Variants in KRTAP4-2 observed in about 807,000 individuals in gnomAD.
KRTAP4-2 encodes keratin-associated protein 4-2.
For missense variants in KRTAP4-2, 178 were observed against 177.3 expected (o/e 1.00, Z -0.02); for synonymous variants, 56 against 63.5 (o/e 0.88, Z 0.56).
In KRTAP4-2 at chr17:41,177,860, C is replaced by A. The variant is rs754307555; in HGVS notation, c.305G>T (p.Arg102Leu). The change falls in exon 1 of 1, where the codon CGC becomes CTC. Residue 102 changes from arginine to leucine, a missense_variant. By Grantham distance (102) the Arg-to-Leu change is moderately radical (BLOSUM62 -2). Transcript: ENST00000377726. ...QSVYCQPTCC[R>L]PSCGQTTCCR... ...GCAGGTGGTCTGGCCACAGCTGGGG[C>A]GGCAGCAGGTGGGCTGGCAGTACAC... 1.3e-6 allele frequency: 2 copies of A among 1,580,428 alleles called. No homozygotes were observed. The highest frequency in any genetic ancestry group is 1.7e-6 in the Non-Finnish European group (2 of 1,160,132).
At position 41,177,526 on chromosome 17, in the gene KRTAP4-2, A is replaced by T; in HGVS notation, c.*228T>A. The T allele has an allele frequency of 1.5e-6, 1 of 660,288 alleles. No individual in the cohort carries two copies. The highest frequency in any genetic ancestry group is 4.2e-4 in the Middle Eastern group (1 of 2,396). The allele number at this position is 660,288 out of a possible 1,614,324, so 40.9% of individuals were successfully genotyped here. A position where few individuals can be genotyped will look rare whatever the true frequency, so the allele number is the denominator to read the frequency against. ...TGATAAATTATGGTAGAGAGCAAAT[A>T]TTTCAATTCAGGGAACATGGGGTTG... On this transcript the variant is annotated 3_prime_UTR_variant, in exon 1 of 1. Transcript: ENST00000377726.
chr17:41,177,737 G>A lies in KRTAP4-2; in HGVS notation c.*17C>T, dbSNP rs776521889. 5 of 1,609,920 alleles carry A rather than the reference G, an allele frequency of 3.1e-6. No homozygotes were observed. In the South Asian group the frequency reaches 5.5e-5, roughly 18 times the overall value. On this transcript the variant is annotated 3_prime_UTR_variant, in exon 1 of 1. Transcript: ENST00000377726. ...AGAATGCTGGTTAATAAAGGCAGGT[G>A]AGTATAGGTGAGGGCATCAGCAGCA...
In KRTAP4-2 at chr17:41,177,978, G is replaced by T; in HGVS notation, c.187C>A (p.Pro63Thr). The change falls in exon 1 of 1, where the codon CCC becomes ACC. Residue 63 changes from proline to threonine, a missense_variant. Physicochemically the swap from Pro to Thr is conservative, Grantham distance 38. Transcript: ENST00000377726. ...CAGCAAGTGGTCTGGCAGCAGCTGG[G>T]GCTGCAGCAGGTGGGCTGGCAGCAC... Reference protein sequence around the residue: ...SVCCQPTCCSPSCCQTTCCRT... With the variant: ...SVCCQPTCCSTSCCQTTCCRT... The T allele has an allele frequency of 1.2e-6, 2 of 1,605,038 alleles. No homozygotes were observed. The highest frequency in any genetic ancestry group is 2.2e-5 in the South Asian group (2 of 90,860).
chr17:41,178,086 G>A lies in KRTAP4-2; in HGVS notation c.79C>T (p.Gln27Ter), dbSNP rs413682. 4 of 1,613,924 alleles carry A rather than the reference G, an allele frequency of 2.5e-6. No individual in the cohort carries two copies. In the African/African-American group the frequency reaches 5.3e-5, roughly 22 times the overall value. The change falls in exon 1 of 1, where the codon CAG (glutamine) becomes TAG (stop). Residue 27 changes from glutamine to a stop codon, truncating the protein, a stop_gained. Transcript: ENST00000377726. LOFTEE classifies it low-confidence loss of function (END_TRUNC). ...CAGGTGGTCCTGCAGCAGGTGGTCT[G>A]GCAGCAGCTGGGACGGCAGCAGTTC... ...LENCCRPSCC[Q>*]TTCCRTTCCR...
chr17:41,177,688 T>G lies in KRTAP4-2; in HGVS notation c.*66A>C. 1 of 1,568,098 alleles carries G rather than the reference T, an allele frequency of 6.4e-7. No individual in the cohort carries two copies. The highest frequency in any genetic ancestry group is 8.7e-7 in the Non-Finnish European group (1 of 1,155,294). On this transcript the variant is annotated 3_prime_UTR_variant, in exon 1 of 1. Transcript: ENST00000377726. ...GGTTGTCCAATTGGCCTTGCATGATTCAGTTCACAGGTGGATCATATCAAG... is the reference window on the plus strand; with the variant it reads ...GGTTGTCCAATTGGCCTTGCATGATGCAGTTCACAGGTGGATCATATCAAG...
chr17:41,177,762 A>C lies in KRTAP4-2; in HGVS notation c.403T>G (p.Cys135Gly), dbSNP rs762052264. ...CCRPTCSSGSCC is the reference protein window; with the variant it reads ...CCRPTCSSGSGC ...GAGTATAGGTGAGGGCATCAGCAGCAAGAGCCACTAGAGCAGGTTGGGCGG... is the reference window on the plus strand; with the variant it reads ...GAGTATAGGTGAGGGCATCAGCAGCCAGAGCCACTAGAGCAGGTTGGGCGG... Residue 135 changes from cysteine (C) to glycine (G), a missense_variant, in exon 1 of 1, where the codon TGC becomes GGC. Physicochemically the swap from Cys to Gly is radical, Grantham distance 159. Transcript: ENST00000377726. 1.2e-6 allele frequency: 2 copies of C among 1,613,470 alleles called. No individual in the cohort carries two copies. Among genetic ancestry groups the C allele is most frequent in the African/African-American group, 2.7e-5 (2 of 74,948 alleles).
rs771299464 is a variant in KRTAP4-2, at chr17:41,177,698, G to C, written c.*56C>G. 5.7e-6 allele frequency: 9 copies of C among 1,582,240 alleles called. No individual in the cohort carries two copies. The highest frequency in any genetic ancestry group is 7.7e-6 in the Non-Finnish European group (9 of 1,162,956). On this transcript the variant is annotated 3_prime_UTR_variant, in exon 1 of 1. Transcript: ENST00000377726. ...TTGGCCTTGCATGATTCAGTTCACAGGTGGATCATATCAAGAATGCTGGTT... is the reference window on the plus strand; with the variant it reads ...TTGGCCTTGCATGATTCAGTTCACACGTGGATCATATCAAGAATGCTGGTT...
Position 41,177,591 on chromosome 17 carries a change from A to T in KRTAP4-2, c.*163T>A. On this transcript the variant is annotated 3_prime_UTR_variant, in exon 1 of 1. Transcript: ENST00000377726. ...AAATTCAAACTTGTATTCATTTGGT[A>T]GAGGGTAGCAACATAGTGTTTGGTG... 2.8e-6 allele frequency: 3 copies of T among 1,088,642 alleles called. No homozygotes were observed. Among genetic ancestry groups the T allele is most frequent in the Non-Finnish European group, 4.0e-6 (3 of 754,996 alleles). The allele number at this position is 1,088,642 out of a possible 1,614,324, so 67.4% of individuals were successfully genotyped here.
chr17:41,177,683 A>G lies in KRTAP4-2; in HGVS notation c.*71T>C. On this transcript the variant is annotated 3_prime_UTR_variant, in exon 1 of 1. Transcript: ENST00000377726. Reference sequence around the variant, plus strand: ...ACTGAGGTTGTCCAATTGGCCTTGCATGATTCAGTTCACAGGTGGATCATA... The same window carrying G: ...ACTGAGGTTGTCCAATTGGCCTTGCGTGATTCAGTTCACAGGTGGATCATA... The G allele has an allele frequency of 6.4e-7, 1 of 1,564,890 alleles. No homozygotes were observed. Among genetic ancestry groups the G allele is most frequent in the Non-Finnish European group, 8.7e-7 (1 of 1,153,554 alleles).
chr17:41,177,773 G>A lies in KRTAP4-2; in HGVS notation c.392C>T (p.Ser131Phe), dbSNP rs750863330. The A allele has an allele frequency of 1.9e-6, 3 of 1,613,840 alleles. No individual in the cohort carries two copies. The highest frequency in any genetic ancestry group is 2.2e-5 in the South Asian group (2 of 91,030). Residue 131 changes from serine (S) to phenylalanine (F), a missense_variant, in exon 1 of 1, where the codon TCT becomes TTT. Transcript: ENST00000377726. ...AGGGCATCAGCAGCAAGAGCCACTA[G>A]AGCAGGTTGGGCGGCAGCAGGTGGA... is the stretch of plus-strand genomic sequence containing the variant. ...CVSTCCRPTC[S>F]SGSCC
rs2015163318 is a variant in KRTAP4-2 at position 41,177,656 on chromosome 17, G to A, written c.*98C>T. 6.5e-7 allele frequency: 1 copy of A among 1,542,924 alleles called. No homozygotes were observed. Among genetic ancestry groups the A allele is most frequent in the Non-Finnish European group, 8.8e-7 (1 of 1,139,562 alleles). On this transcript the variant is annotated 3_prime_UTR_variant, in exon 1 of 1. Transcript: ENST00000377726. ...CCAAACTCAATCCAAGAATTGGTTG[G>A]AACTGAGGTTGTCCAATTGGCCTTG...
Position 41,177,595 on chromosome 17 carries a change from G to T in KRTAP4-2, c.*159C>A. ...TCAAACTTGTATTCATTTGGTAGAG[G>T]GTAGCAACATAGTGTTTGGTGAGCA... On this transcript the variant is annotated 3_prime_UTR_variant, in exon 1 of 1. Transcript: ENST00000377726. 8.8e-7 allele frequency: 1 copy of T among 1,132,662 alleles called. No individual in the cohort carries two copies. Among genetic ancestry groups the T allele is most frequent in the African/African-American group, 1.6e-5 (1 of 64,314 alleles). 70.2% of individuals were successfully genotyped at this position (1,132,662 alleles called of 1,614,324 possible).
At position 41,177,499 on chromosome 17, in the gene KRTAP4-2, T is replaced by C. The variant is rs927202155; in HGVS notation, c.*255A>G. 3 of 584,350 alleles carry C rather than the reference T, an allele frequency of 5.1e-6. No individual in the cohort carries two copies. In the South Asian group the frequency reaches 7.9e-5, roughly 15 times the overall value. 36.2% of individuals were successfully genotyped at this position (584,350 alleles called of 1,614,324 possible). ...TATTTAAGATAGAGGAATAGCTCCA[T>C]GTGATAAATTATGGTAGAGAGCAAA... On this transcript the variant is annotated 3_prime_UTR_variant, in exon 1 of 1. Transcript: ENST00000377726.
In KRTAP4-2 at chr17:41,177,475, A is replaced by G. The variant is rs2015161779; in HGVS notation, c.*279T>C. 3 of 521,464 alleles carry G rather than the reference A, an allele frequency of 5.8e-6. No individual in the cohort carries two copies. The highest frequency in any genetic ancestry group is 7.3e-5 in the Admixed American group (2 of 27,390). The allele number at this position is 521,464 out of a possible 1,614,324, so 32.3% of individuals were successfully genotyped here. On this transcript the variant is annotated 3_prime_UTR_variant, in exon 1 of 1. Coordinates refer to ENST00000377726, the MANE Select transcript of KRTAP4-2 (RefSeq NM_033062.4). ...TTGTATGCCTCAAAAATTAAAATTT[A>G]TTTAAGATAGAGGAATAGCTCCATG...
Position 41,177,778 on chromosome 17 carries a change from G to C in KRTAP4-2, c.387C>G (p.Thr129=), listed in dbSNP as rs754381885. 6.2e-7 allele frequency: 1 copy of C among 1,613,932 alleles called. No homozygotes were observed. The highest frequency in any genetic ancestry group is 1.1e-5 in the South Asian group (1 of 91,036). ...ATCAGCAGCAAGAGCCACTAGAGCA[G>C]GTTGGGCGGCAGCAGGTGGACACAC... ...SCCVSTCCRP[T]CSSGSCC is the part of the protein sequence containing the mutation. Residue 129 remains threonine, a synonymous_variant, in exon 1 of 1, where the codon ACC becomes ACG. Coordinates refer to ENST00000377726, the MANE Select transcript of KRTAP4-2 (RefSeq NM_033062.4).
chr17:41,177,911 C>T lies in KRTAP4-2; in HGVS notation c.254G>A (p.Cys85Tyr), dbSNP rs369625022. Reference sequence around the variant, plus strand: ...AGACTGGCAGCACTGGGGTCTGAAGCAGCTGGACACACAGCAGCTGGGACG... The same window carrying T: ...AGACTGGCAGCACTGGGGTCTGAAGTAGCTGGACACACAGCAGCTGGGACG... ...CCRPSCCVSS[C>Y]FRPQCCQSVY... The change falls in exon 1 of 1, where the codon TGC becomes TAC. Residue 85 changes from cysteine to tyrosine, a missense_variant. Transcript: ENST00000377726. The T allele has an allele frequency of 6.3e-7, 1 of 1,585,118 alleles. No individual in the cohort carries two copies. Among genetic ancestry groups the T allele is most frequent in the Non-Finnish European group, 8.6e-7 (1 of 1,164,282 alleles).
chr17:41,177,808 G>T lies in KRTAP4-2; in HGVS notation c.357C>A (p.Ser119Arg), dbSNP rs1368409082. 6.2e-7 allele frequency: 1 copy of T among 1,612,904 alleles called. No individual in the cohort carries two copies. The highest frequency in any genetic ancestry group is 1.3e-5 in the African/African-American group (1 of 74,984). Residue 119 changes from serine (S) to arginine (R), a missense_variant, in exon 1 of 1, where the codon AGC becomes AGA. Ser to Arg is a moderately radical substitution (Grantham distance 110). Transcript: ENST00000377726. ...GGCGGCAGCAGGTGGACACACAGCA[G>T]CTGGGGCGGTAGCAGGTGGTCCTGC... ...TCCRTTCYRP[S>R]CCVSTCCRPT...
rs886101022 is a variant in KRTAP4-2, at chr17:41,177,699, G to A, written c.*55C>T. 7.0e-6 allele frequency: 11 copies of A among 1,582,630 alleles called. No individual in the cohort carries two copies. The highest frequency in any genetic ancestry group is 8.6e-6 in the Non-Finnish European group (10 of 1,163,218). The stretch of plus-strand genomic sequence containing the variant: ...TGGCCTTGCATGATTCAGTTCACAG[G>A]TGGATCATATCAAGAATGCTGGTTA... On this transcript the variant is annotated 3_prime_UTR_variant, in exon 1 of 1. Transcript: ENST00000377726.
chr17:41,178,160 A>G lies in KRTAP4-2; in HGVS notation c.5T>C (p.Val2Ala). The change falls in exon 1 of 1, where the codon GTC (valine) becomes GCC (alanine). Residue 2 changes from valine to alanine, a missense_variant. Transcript: ENST00000377726. The part of the protein sequence containing the change: M[V>A]NSCCGSVCSD... ...GCACACAGAGCCACAACAGGAGTTGACCATGGTGTCAGAGGGTGGAGGTTC... is the reference window on the plus strand; with the variant it reads ...GCACACAGAGCCACAACAGGAGTTGGCCATGGTGTCAGAGGGTGGAGGTTC... The G allele has an allele frequency of 6.2e-7, 1 of 1,610,166 alleles. No individual in the cohort carries two copies. Among genetic ancestry groups the G allele is most frequent in the Non-Finnish European group, 8.5e-7 (1 of 1,177,148 alleles).
Sources: allele counts gnomAD v4.1 joint callset, GRCh38; gene constraint gnomAD v4.1.1; transcripts MANE v1.5; gene names NCBI Gene and HGNC (gene_info 2026-07-23, HGNC 2026-07-21).